EDA: variants seen among roughly 807,000 people sequenced by gnomAD.
EDA encodes the protein ectodysplasin-A.
EDA carries 2 observed loss-of-function variants against 23.6 expected under a neutral mutation model. The ratio of observed to expected loss-of-function variants is 0.08; its 90% CI spans 0.03 to 0.27. The LOEUF (loss-of-function observed/expected upper bound fraction) is 0.27, where lower values mean the gene tolerates loss of function less well. EDA is among the 10% of genes least tolerant of loss of function. EDA has a pLI of 1.00. For missense variants in EDA, 229 were observed against 324.2 expected (o/e 0.71, Z 2.26); for synonymous variants, 131 against 132.0 (o/e 0.99, Z 0.05).
intron 1 of EDA, among the ~76,000 whole-genome samples, chrX:69,886,410 C>G (rs2017829854): frequency 9.0e-6 from 1 of 110,683 alleles, no homozygotes; most frequent in Non-Finnish European, 1.9e-5. Context: ...CAGGGACCCA[C>G]CAGGAGAAAT....
rs755169657 is a variant in EDA at position 69,812,400 on chromosome X, G to A, written c.397-144627G>A. On this transcript the variant is annotated intron_variant, in intron 1 of 7. Transcript: ENST00000374552. ...TGCCTCACAGAAGCTGAGACCTCTGGTCTGCATCAGTGCACTTGTATTCTG... is the reference window on the plus strand; with the variant it reads ...TGCCTCACAGAAGCTGAGACCTCTGATCTGCATCAGTGCACTTGTATTCTG... Among the ~76,000 whole-genome samples the A allele has an allele frequency of 1.7e-3, 196 of 112,597 alleles. 1 individual carries two copies. The highest frequency in any genetic ancestry group is 3.2e-3 in the Non-Finnish European group (173 of 53,320).
chrX:70,005,648 T>C (rs747988580), intron 2 of EDA, among the ~76,000 whole-genome samples: 1 of 109,053 alleles, frequency 9.2e-6, no homozygotes, highest in Non-Finnish European at 1.9e-5. Context: ...AGAAGGGCAC[T>C]TCAAGCAGAG....
intron 3 of EDA, 107 bp from the exon 4 acceptor site, chrX:70,027,750 G>C: frequency 2.0e-6 from 1 of 489,232 alleles, no homozygotes; most frequent in Non-Finnish European, 3.7e-6. Flanking sequence ...TTGAACCCGG[G>C]AGGTGGAGGT....
chrX:69,765,974 C>T (rs1442224669), intron 1 of EDA, among the ~76,000 whole-genome samples: 1 of 112,168 alleles, frequency 8.9e-6, no homozygotes, highest in East Asian at 2.8e-4. Context: ...AAGAATCGTA[C>T]AGCATGTGAC....
intron 1 of EDA, among the ~76,000 whole-genome samples, chrX:69,768,708 A>G (rs1027633604): frequency 9.0e-6 from 1 of 111,559 alleles, no homozygotes; most frequent in Non-Finnish European, 1.9e-5. Flanking sequence ...TTAGAACCCA[A>G]TTGTCAATTT....
intron 1 of EDA, among the ~76,000 whole-genome samples, chrX:69,860,512 A>G (rs1051170924): frequency 9.0e-6 from 1 of 111,341 alleles, no homozygotes; most frequent in Non-Finnish European, 1.9e-5. Context: ...ATATGAAATT[A>G]TGGGTTGGAA....
intron 1 of EDA, among the ~76,000 whole-genome samples, chrX:69,846,002 C>G (rs1461025392): frequency 1.9e-4 from 21 of 112,220 alleles, no homozygotes; most frequent in African/African-American, 6.8e-4. Flanking sequence ...CATAGCTAAA[C>G]TGCTCCTGAA....
At chrX:69,822,126 C>T (rs1347511011) in intron 1 of EDA, among the ~76,000 whole-genome samples, 3 of 110,379 alleles carry the variant, frequency 2.7e-5, no homozygotes, top group Non-Finnish European at 5.7e-5. Flanking sequence ...CTACAAAACA[C>T]GTTTTAAAAT....
rs7472880 is a variant in EDA, at chrX:69,824,607, A to C, written c.397-132420A>C. ...CTTAAGGAGATTTTGGGCTGAGACA[A>C]TGGGGTTTTCTAGATATACAATCAT... On this transcript the variant is annotated intron_variant, in intron 1 of 7. Transcript: ENST00000374552. 3.2e-4 allele frequency among the ~76,000 whole-genome samples: 31 copies of C among 96,086 alleles called. 1 individual carries two copies. The Admixed American group carries it at 3.5e-3, about 11-fold the overall frequency. 83.4% of individuals were successfully genotyped at this position (96,086 alleles called of 115,157 possible). A position where few individuals can be genotyped will look rare whatever the true frequency, so the allele number is the denominator to read the frequency against.
chrX:70,020,844 T>A (rs2020023609), intron 2 of EDA, among the ~76,000 whole-genome samples: 1 of 112,078 alleles, frequency 8.9e-6, no homozygotes, highest in Admixed American at 9.4e-5. Context: ...GATCCCATTT[T>A]GTAAAAATAC....
intron 1 of EDA, among the ~76,000 whole-genome samples, chrX:69,644,442 T>G (rs772312081): frequency 1.8e-5 from 2 of 111,602 alleles, no homozygotes; most frequent in South Asian, 7.6e-4. Context: ...CTAGCAATTT[T>G]TGCACATTGA....
intron 1 of EDA, among the ~76,000 whole-genome samples, chrX:69,767,760 A>G (rs1483186611): frequency 8.9e-6 from 1 of 111,796 alleles, no homozygotes; most frequent in Non-Finnish European, 1.9e-5. Flanking sequence ...TGGCAGGTGT[A>G]TGTTTACCTG....
At chrX:69,907,644 G>A (rs1345095585) in intron 1 of EDA, among the ~76,000 whole-genome samples, 1 of 111,832 alleles carries the variant, frequency 8.9e-6, no homozygotes, top group Non-Finnish European at 1.9e-5. Context: ...CATATATTTA[G>A]TTCTGTTTAG....
chrX:69,888,978 T>TTA (rs935436674), intron 1 of EDA, among the ~76,000 whole-genome samples: 466 of 15,947 alleles, frequency 0.029, 20 homozygotes, highest in Admixed American at 0.047. Context: ...TGTGGGGTAG[T>TTA]TATATATATA....
At chrX:69,952,811 G>C (rs138372024) in intron 1 of EDA, among the ~76,000 whole-genome samples, 1 of 111,658 alleles carries the variant, frequency 9.0e-6, no homozygotes, top group African/African-American at 3.3e-5. Context: ...TAATACAAGA[G>C]TATCTTTTCC....
At chrX:69,847,198 T>C (rs1309539145) in intron 1 of EDA, among the ~76,000 whole-genome samples, 1 of 111,353 alleles carries the variant, frequency 9.0e-6, no homozygotes, top group Non-Finnish European at 1.9e-5. Context: ...AATGAGAAGG[T>C]TCTTAAGGGT....
intron 1 of EDA, among the ~76,000 whole-genome samples, chrX:69,931,245 G>A (rs1271467936): frequency 9.0e-6 from 1 of 111,287 alleles, no homozygotes; most frequent in Admixed American, 9.6e-5. Flanking sequence ...GCAATTCAAT[G>A]GAAAAATTAT....
At chrX:69,669,160 G>A (rs966637876) in intron 1 of EDA, among the ~76,000 whole-genome samples, 5 of 109,933 alleles carry the variant, frequency 4.5e-5, no homozygotes, top group Non-Finnish European at 9.5e-5. Context: ...TCAGCCTATG[G>A]CCTTAAAGCT....
intron 1 of EDA, among the ~76,000 whole-genome samples, chrX:69,852,280 C>T (rs2017153684): frequency 9.0e-6 from 1 of 111,639 alleles, no homozygotes; most frequent in Non-Finnish European, 1.9e-5. Flanking sequence ...CAGGCATGTG[C>T]CACCATGCCT....
Sources: gnomAD v4.1 joint callset for allele counts (sites outside exome capture counted in the v4.1 genomes callset) on GRCh38, gnomAD v4.1.1 for gene constraint, MANE v1.5 for transcripts, NCBI Gene and HGNC (gene_info 2026-07-23, HGNC 2026-07-21) for gene names.